FHIT: variants seen among roughly 807,000 people sequenced by gnomAD.
The protein encoded by FHIT is fragile histidine triad diadenosine triphosphatase, also known as bis(5'-adenosyl)-triphosphatase.
FHIT carries 19 observed loss-of-function variants against 17.9 expected under a neutral mutation model. That is an observed-to-expected ratio of 1.06 (90% CI 0.74 to 1.56). The LOEUF is 1.56. Ranked by LOEUF, FHIT falls within the 40% of genes most tolerant of loss-of-function variation. The pLI, the probability that FHIT is intolerant of heterozygous loss-of-function variation, is 0.00. For missense variants in FHIT, 248 were observed against 189.2 expected, an observed-to-expected ratio of 1.31 and a Z score of -1.82; for synonymous variants, 81 against 69.7, an observed-to-expected ratio of 1.16 and a Z score of -0.81.
At chr3:59,793,575 C>T (rs1699658285) in intron 8 of FHIT, among the ~76,000 whole-genome samples, 1 of 152,194 alleles carries the variant, frequency 6.6e-6, no homozygotes, top group Non-Finnish European at 1.5e-5. Flanking sequence ...CCCTCTCGCA[C>T]TGCCTCCCCA....
At chr3:61,199,814 T>C (rs575075354) in intron 2 of FHIT, among the ~76,000 whole-genome samples, 3 of 152,278 alleles carry the variant, frequency 2.0e-5, no homozygotes, top group Admixed American at 6.5e-5. Flanking sequence ...TGTAAAATTA[T>C]AGCATATTTC....
At position 60,154,954 on chromosome 3, in the gene FHIT, T is replaced by C. The variant is rs529317227; in HGVS notation, c.104-140802A>G. 6.6e-5 allele frequency among the ~76,000 whole-genome samples: 10 copies of C among 152,074 alleles called. No homozygotes were observed. The East Asian group carries it at 1.5e-3, about 24-fold the overall frequency. On this transcript the variant is annotated intron_variant, in intron 5 of 9. Transcript: ENST00000492590. ...CTCACATACACCTGTAATCCGAGCA[T>C]CTTGGGAGGCCAAGGTGAGAGGATC...
intron 4 of FHIT, among the ~76,000 whole-genome samples, chr3:60,658,102 TCTC>T (rs2040159313): frequency 6.6e-6 from 1 of 152,026 alleles, no homozygotes. Context: ...AATTCCTACT[TCTC>T]CTCAGCCCCT....
At chr3:59,826,496 C>A (rs1044901896) in intron 8 of FHIT, among the ~76,000 whole-genome samples, 2 of 152,214 alleles carry the variant, frequency 1.3e-5, no homozygotes, top group Admixed American at 1.3e-4. Flanking sequence ...CTCTCACCAT[C>A]TACTCACTGT....
intron 3 of FHIT, among the ~76,000 whole-genome samples, chr3:60,996,320 T>C (rs1319754343): frequency 2.0e-5 from 3 of 152,334 alleles, no homozygotes; most frequent in South Asian, 2.1e-4. Flanking sequence ...TATGTGCTCC[T>C]CTAACTCTTA....
At chr3:60,976,114 TTTTTTTTTTTG>T in intron 3 of FHIT, among the ~76,000 whole-genome samples, 1 of 131,890 alleles carries the variant, frequency 7.6e-6, no homozygotes, top group Non-Finnish European at 1.6e-5. Context: ...TTTTTTTTTT[TTTTTTTTTTTG>T]AGACGGAGTT....
At chr3:60,606,195 C>A (rs1410991187) in intron 4 of FHIT, among the ~76,000 whole-genome samples, 2 of 151,992 alleles carry the variant, frequency 1.3e-5, no homozygotes, top group Non-Finnish European at 2.9e-5. Context: ...TAGCAAACAT[C>A]ACTTGTTCAG....
chr3:61,189,658 G>C (rs1005149845), intron 2 of FHIT, among the ~76,000 whole-genome samples: 30 of 152,322 alleles, frequency 2.0e-4, no homozygotes, highest in Middle Eastern at 3.4e-3. Context: ...AAAGCTGGAG[G>C]CATCACGCTA....
intron 4 of FHIT, among the ~76,000 whole-genome samples, chr3:60,606,784 G>T (rs1198565785): frequency 1.3e-5 from 2 of 152,086 alleles, no homozygotes; most frequent in African/African-American, 4.8e-5. Flanking sequence ...TTGCTGTAAT[G>T]GCTTCTTAAT....
chr3:60,022,243 G>C (rs772676416), intron 5 of FHIT, among the ~76,000 whole-genome samples: 10 of 152,146 alleles, frequency 6.6e-5, no homozygotes, highest in Non-Finnish European at 1.3e-4. Flanking sequence ...CAAAGAAAGA[G>C]AGCATTCTGT....
chr3:60,364,572 A>G (rs966829496), intron 5 of FHIT, among the ~76,000 whole-genome samples: 2 of 152,214 alleles, frequency 1.3e-5, no homozygotes, highest in Non-Finnish European at 2.9e-5. Flanking sequence ...TACCCAGGAA[A>G]TTAATGTCAC....
chr3:60,035,647 C>T (rs1701185857), intron 5 of FHIT, among the ~76,000 whole-genome samples: 1 of 152,218 alleles, frequency 6.6e-6, no homozygotes, highest in African/African-American at 2.4e-5. Flanking sequence ...GATTCAGCCA[C>T]ACCTCAACAG....
At chr3:60,456,743 C>T (rs988020743) in intron 5 of FHIT, among the ~76,000 whole-genome samples, 2 of 152,226 alleles carry the variant, frequency 1.3e-5, no homozygotes, top group African/African-American at 4.8e-5. Flanking sequence ...TACCCAAATC[C>T]ATCCATGACA....
intron 2 of FHIT, among the ~76,000 whole-genome samples, chr3:61,147,998 A>G (rs1423611153): frequency 6.6e-6 from 1 of 151,818 alleles, no homozygotes; most frequent in African/African-American, 2.4e-5. Flanking sequence ...TCTAGGATTC[A>G]AAAGTCCAGT....
intron 5 of FHIT, among the ~76,000 whole-genome samples, chr3:60,079,229 G>A (rs1429532840): frequency 3.3e-5 from 5 of 152,118 alleles, no homozygotes; most frequent in South Asian, 4.1e-4. Flanking sequence ...GGGCACCCGA[G>A]GTGATGTGCA....
intron 5 of FHIT, among the ~76,000 whole-genome samples, chr3:60,240,411 T>G (rs1705065100): frequency 1.3e-5 from 2 of 152,156 alleles, no homozygotes; most frequent in South Asian, 4.1e-4. Context: ...TCAGAGCAGA[T>G]CAAACTACAA....
intron 4 of FHIT, among the ~76,000 whole-genome samples, chr3:60,662,095 G>T (rs2736759): frequency 1 from 151,889 of 152,330 alleles, 75,727 homozygotes; most frequent in East Asian, 1. Context: ...TTTTCGTTTC[G>T]TAGTCATGAA....
At chr3:61,126,234 C>G (rs754167278) in intron 2 of FHIT, among the ~76,000 whole-genome samples, 6 of 148,676 alleles carry the variant, frequency 4.0e-5, no homozygotes, top group African/African-American at 7.6e-5. Context: ...CAATAGGAAA[C>G]AAGACAGAAA....
intron 5 of FHIT, among the ~76,000 whole-genome samples, chr3:60,391,302 A>AT (rs1435201136): frequency 1.3e-5 from 2 of 152,162 alleles, no homozygotes; most frequent in Admixed American, 1.3e-4. Context: ...TTGTTTATTT[A>AT]TTTTCTTTTT....
Sources: gnomAD v4.1 joint callset for allele counts (sites outside exome capture counted in the v4.1 genomes callset) on GRCh38, gnomAD v4.1.1 for gene constraint, MANE v1.5 for transcripts, NCBI Gene and HGNC (gene_info 2026-07-23, HGNC 2026-07-21) for gene names.